Variants in ADAM7 observed in about 807,000 individuals in gnomAD.
The protein encoded by ADAM7 is ADAM metallopeptidase domain 7, also known as disintegrin and metalloproteinase domain-containing protein 7.
Under a neutral mutation model 102.9 loss-of-function variants are expected in ADAM7, and 97 were observed. That is an observed-to-expected ratio of 0.94 (90% confidence interval 0.80 to 1.12). The LOEUF (loss-of-function observed/expected upper bound fraction) is 1.12, where lower values mean the gene tolerates loss of function less well. ADAM7 is among the 50% of genes most tolerant of loss of function. The pLI is 0.00. For synonymous variants in ADAM7, 334 were observed against 304.4 expected (o/e 1.10, Z -1.01); for missense variants, 991 against 908.7 (o/e 1.09, Z -1.16).
intron 18 of ADAM7, among the ~76,000 whole-genome samples, chr8:24,500,585 T>C (rs1211474433): frequency 6.6e-6 from 1 of 152,166 alleles, no homozygotes; most frequent in Non-Finnish European, 1.5e-5. Context: ...TAACGGAATA[T>C]TGGGTGGAGT....
rs557698750 is a variant in ADAM7 at position 24,463,624 on chromosome 8, C to T, written c.234-258C>T. On this transcript the variant is annotated intron_variant, in intron 3 of 21. Transcript: ENST00000175238. Reference sequence around the variant, plus strand: ...ATTTTTGCTTAGATAACATTTTCTCCAAGCTATTTTAAAAATACTGCTTTG... The same window carrying T: ...ATTTTTGCTTAGATAACATTTTCTCTAAGCTATTTTAAAAATACTGCTTTG... Among the ~76,000 whole-genome samples, 4 of 152,080 alleles carry T rather than the reference C, an allele frequency of 2.6e-5. No individual in the cohort carries two copies. In the South Asian group the frequency reaches 8.3e-4, roughly 32 times the overall value.
chr8:24,450,734 C>G (rs1818751190), intron 3 of ADAM7, among the ~76,000 whole-genome samples: 1 of 151,612 alleles, frequency 6.6e-6, no homozygotes, highest in African/African-American at 2.4e-5. Context: ...TGCCAGTTTT[C>G]AAAGGGAATG....
At chr8:24,471,314 G>T (rs1332024435) in intron 7 of ADAM7, among the ~76,000 whole-genome samples, 1 of 151,950 alleles carries the variant, frequency 6.6e-6, no homozygotes, top group East Asian at 1.9e-4. Context: ...ATATAGTGTA[G>T]CCAAGTATAG....
rs971870387 is a variant in ADAM7 at position 24,492,099 on chromosome 8, G to T, written c.1552+1G>T. ...CAGTGCTCTGAACTATTTGATGATGGTGAGAGATAATCACAGTGAAGTATT... is the reference window on the plus strand; with the variant it reads ...CAGTGCTCTGAACTATTTGATGATGTTGAGAGATAATCACAGTGAAGTATT... On this transcript the variant is annotated splice_donor_variant, in intron 14 of 21. Coordinates refer to ENST00000175238, the MANE Select transcript of ADAM7 (RefSeq NM_003817.4). LOFTEE classifies it high-confidence loss of function. 6.2e-7 allele frequency: 1 copy of T among 1,610,738 alleles called. No homozygotes were observed. The highest frequency in any genetic ancestry group is 1.3e-5 in the African/African-American group (1 of 74,814).
intron 3 of ADAM7, among the ~76,000 whole-genome samples, chr8:24,458,675 C>T (rs1471231170): frequency 1.3e-5 from 2 of 151,980 alleles, no homozygotes; most frequent in African/African-American, 2.4e-5. Context: ...ATGGCTAGGA[C>T]CTTCATTACA....
intron 3 of ADAM7, among the ~76,000 whole-genome samples, chr8:24,459,429 C>A (rs115499181): frequency 2.0e-5 from 3 of 151,630 alleles, no homozygotes; most frequent in Non-Finnish European, 2.9e-5. Flanking sequence ...TATCAATTGT[C>A]GACCTTTTAT....
At chr8:24,472,965 A>G (rs1314692642) in intron 7 of ADAM7, among the ~76,000 whole-genome samples, 2 of 152,142 alleles carry the variant, frequency 1.3e-5, no homozygotes, top group African/African-American at 4.8e-5. Flanking sequence ...ATGTGCCAAT[A>G]AATTTATAAA....
At chr8:24,498,104 T>C (rs890419061) in intron 16 of ADAM7, among the ~76,000 whole-genome samples, 1 of 151,874 alleles carries the variant, frequency 6.6e-6, no homozygotes, top group Admixed American at 6.6e-5. Flanking sequence ...TAAATTTAAA[T>C]TTAGAAGGTA....
chr8:24,456,454 C>T (rs1224773827), intron 3 of ADAM7, among the ~76,000 whole-genome samples: 1 of 152,140 alleles, frequency 6.6e-6, no homozygotes, highest in Non-Finnish European at 1.5e-5. Context: ...AGACATCTTT[C>T]CCACATAGTG....
intron 8 of ADAM7, among the ~76,000 whole-genome samples, chr8:24,480,497 A>G (rs767484480): frequency 1.3e-4 from 20 of 152,062 alleles, no homozygotes; most frequent in Non-Finnish European, 2.5e-4. Context: ...GAGCAGTTCA[A>G]CTCTCCACAA....
intron 4 of ADAM7, 34 bp from the exon 5 acceptor site, chr8:24,465,646 CTATATAAAATCAATATTTA>C (rs1819399645): frequency 9.4e-7 from 1 of 1,068,034 alleles, no homozygotes; most frequent in African/African-American, 1.6e-5. Flanking sequence ...ATATTAGTAT[CTATATAAAATCAATATTTA>C]TACATATAGT....
At chr8:24,454,541 G>T (rs1330409077) in intron 3 of ADAM7, among the ~76,000 whole-genome samples, 1 of 152,138 alleles carries the variant, frequency 6.6e-6, no homozygotes, top group East Asian at 1.9e-4. Context: ...ACCCGATTTT[G>T]CAGGTGCCAT....
At chr8:24,457,897 G>T (rs1297420303) in intron 3 of ADAM7, among the ~76,000 whole-genome samples, 2 of 141,648 alleles carry the variant, frequency 1.4e-5, no homozygotes, top group Non-Finnish European at 3.1e-5. Flanking sequence ...TGTGTAATTT[G>T]CTGGAGAAGT....
At chr8:24,467,677 T>A (rs1407762591) in intron 6 of ADAM7, 1 of 152,252 alleles carries the variant, frequency 6.6e-6, no homozygotes, top group Non-Finnish European at 1.5e-5. Context: ...ACAATTTACC[T>A]CTGTTTTGTC....
At chr8:24,486,639 C>A (rs13270858) in intron 10 of ADAM7, among the ~76,000 whole-genome samples, 1 of 151,908 alleles carries the variant, frequency 6.6e-6, no homozygotes, top group African/African-American at 2.4e-5. Flanking sequence ...TTAGCAGATT[C>A]GGTGTCTGGT....
intron 2 of ADAM7, among the ~76,000 whole-genome samples, chr8:24,443,641 T>TA (rs1427950395): frequency 1.3e-5 from 2 of 152,052 alleles, no homozygotes; most frequent in Non-Finnish European, 2.9e-5. Flanking sequence ...AGACTGATGT[T>TA]AAAAATCTCA....
chr8:24,442,607 G>C, intron 2 of ADAM7, 31 bp downstream of exon 2: 1 of 1,559,080 alleles, frequency 6.4e-7, no homozygotes, highest in Non-Finnish European at 8.8e-7. Flanking sequence ...AATAAGATTT[G>C]TTGCTTTCAC....
chr8:24,491,919 C>A lies in ADAM7; in HGVS notation c.1373C>A (p.Ser458Tyr). ...CCTCAACAGATAAAAAAAGCAGGGT[C>A]CATATGCAGACCGGCGAAAGATGAA... ...CESCQIKKAG[S>Y]ICRPAKDECD... is the part of the protein sequence containing the mutation. Residue 458 changes from serine (S) to tyrosine (Y), a missense_variant, in exon 14 of 22, where the codon TCC (serine) becomes TAC (tyrosine). By Grantham distance (144) the Ser-to-Tyr change is moderately radical. Transcript: ENST00000175238. 1 of 1,611,266 alleles carries A rather than the reference C, an allele frequency of 6.2e-7. No homozygotes were observed.
intron 7 of ADAM7, among the ~76,000 whole-genome samples, chr8:24,473,821 T>G (rs968033262): frequency 2.0e-5 from 3 of 152,198 alleles, no homozygotes; most frequent in African/African-American, 7.2e-5. Flanking sequence ...AATGTGAATA[T>G]TGCTTTGCTT....
Sources: gnomAD v4.1 joint callset for allele counts (sites outside exome capture counted in the v4.1 genomes callset) on GRCh38, gnomAD v4.1.1 for gene constraint, MANE v1.5 for transcripts, NCBI Gene and HGNC (gene_info 2026-07-23, HGNC 2026-07-21) for gene names.